Variants in FGD6 observed in about 807,000 individuals in gnomAD.
The protein encoded by FGD6 is FYVE, RhoGEF and PH domain-containing protein 6.
Under a neutral mutation model 149.4 loss-of-function variants are expected in FGD6, and 90 were observed. The ratio of observed to expected loss-of-function variants is 0.60; its 90% CI spans 0.51 to 0.72. The LOEUF is 0.72. Among genes scored for constraint, FGD6 ranks in the 30% least tolerant of loss-of-function variants. The pLI is 0.00. For synonymous variants in FGD6, 527 were observed against 584.0 expected (o/e 0.90, Z 1.41); for missense variants, 1,437 against 1,684.8 (o/e 0.85, Z 2.57).
intron 14 of FGD6, among the ~76,000 whole-genome samples, chr12:95,096,281 A>G (rs913864988): frequency 6.6e-6 from 1 of 152,186 alleles, no homozygotes; most frequent in Admixed American, 6.5e-5. Flanking sequence ...CAGATCAAGA[A>G]TAGAAACCAC....
intron 1 of FGD6, among the ~76,000 whole-genome samples, chr12:95,215,453 A>G (rs1471232494): frequency 1.3e-5 from 2 of 152,230 alleles, no homozygotes; most frequent in African/African-American, 2.4e-5. Context: ...ATGTATACAT[A>G]TAAGAATGGG....
rs35478339 is a variant in FGD6, at chr12:95,210,668, G to A, written c.616C>T (p.Pro206Ser). ...GAATTACAGCCACCATTCATTTCTG[G>A]GCTGTCTGTGGGCCTGTGCTTCTGT... ...SAQKHRPTDS[P>S]EMNGGCNSNG... The change falls in exon 2 of 21, where the codon CCA becomes TCA. Residue 206 changes from proline (P) to serine (S), a missense_variant. Pro to Ser is a moderately conservative substitution (Grantham distance 74). Transcript: ENST00000343958. The A allele has an allele frequency of 8.3e-4, 1,341 of 1,613,970 alleles. 1 individual carries two copies. The highest frequency in any genetic ancestry group is 1.1e-3 in the Non-Finnish European group (1,296 of 1,180,028).
Position 95,210,669 on chromosome 12 carries a change from G to A in FGD6, c.615C>T (p.Ser205=), listed in dbSNP as rs2056721432. ...AATTACAGCCACCATTCATTTCTGG[G>A]CTGTCTGTGGGCCTGTGCTTCTGTG... ...ISAQKHRPTD[S]PEMNGGCNSN... The change falls in exon 2 of 21, where the codon AGC becomes AGT. Residue 205 remains serine, a synonymous_variant. Coordinates refer to ENST00000343958, the MANE Select transcript of FGD6 (RefSeq NM_018351.4). 1.9e-6 allele frequency: 3 copies of A among 1,614,138 alleles called. No individual in the cohort carries two copies. Among genetic ancestry groups the A allele is most frequent in the Non-Finnish European group, 2.5e-6 (3 of 1,180,026 alleles).
At chr12:95,167,341 T>C (rs916013444) in intron 3 of FGD6, among the ~76,000 whole-genome samples, 1 of 152,160 alleles carries the variant, frequency 6.6e-6, no homozygotes, top group Non-Finnish European at 1.5e-5. Flanking sequence ...TGCACCATTT[T>C]AGATCCTATA....
chr12:95,116,714 T>A, intron 8 of FGD6: 1 of 404,210 alleles, frequency 2.5e-6, no homozygotes, highest in South Asian at 1.8e-5. Flanking sequence ...TAAAAATATC[T>A]TTATGGTCTA....
At chr12:95,167,936 T>C (rs1880870243) in intron 3 of FGD6, among the ~76,000 whole-genome samples, 1 of 152,156 alleles carries the variant, frequency 6.6e-6, no homozygotes, top group Non-Finnish European at 1.5e-5. Context: ...GAGTTAGTTT[T>C]TGTGTATGTT....
At chr12:95,216,011 G>C in intron 1 of FGD6, among the ~76,000 whole-genome samples, 1 of 152,154 alleles carries the variant, frequency 6.6e-6, no homozygotes, top group East Asian at 1.9e-4. Context: ...CCTCCCTTTG[G>C]CAAAGAAAAG....
chr12:95,163,761 T>G (rs1419240446), intron 3 of FGD6, among the ~76,000 whole-genome samples: 1 of 152,194 alleles, frequency 6.6e-6, no homozygotes, highest in Non-Finnish European at 1.5e-5. Flanking sequence ...AGTCTATATA[T>G]TCCATTGTCC....
At position 95,172,669 on chromosome 12, in the gene FGD6, G is replaced by A. The variant is rs557263516; in HGVS notation, c.2517C>T (p.Asn839=). 1.7e-5 allele frequency: 27 copies of A among 1,612,982 alleles called. No homozygotes were observed. The East Asian group carries it at 5.4e-4, about 32-fold the overall frequency. ...AGCTGACATCATCTTCATCAGAACTGTTGATGATTTCCTCCTCATCAGAGG... is the reference window on the plus strand; with the variant it reads ...AGCTGACATCATCTTCATCAGAACTATTGATGATTTCCTCCTCATCAGAGG... ...DLPSDEEEII[N]SSDEDDVSSE... Residue 839 remains asparagine, a synonymous_variant, in exon 3 of 21, where the codon AAC becomes AAT. Coordinates refer to ENST00000343958, the MANE Select transcript of FGD6 (RefSeq NM_018351.4).
intron 20 of FGD6, among the ~76,000 whole-genome samples, chr12:95,084,100 T>G (rs1877782071): frequency 6.6e-6 from 1 of 152,254 alleles, no homozygotes; most frequent in Non-Finnish European, 1.5e-5. Flanking sequence ...AAACTCCTGC[T>G]GTTCCATGGC....
intron 2 of FGD6, among the ~76,000 whole-genome samples, chr12:95,179,072 A>G (rs938233763): frequency 6.6e-6 from 1 of 152,204 alleles, no homozygotes; most frequent in Admixed American, 6.5e-5. Context: ...CCAGGCTTCA[A>G]ATGATGGATA....
At chr12:95,208,423 G>A (rs1334888524) in intron 2 of FGD6, among the ~76,000 whole-genome samples, 1 of 152,132 alleles carries the variant, frequency 6.6e-6, no homozygotes, top group Non-Finnish European at 1.5e-5. Context: ...GGTTCCACCT[G>A]ATAAGCGCAC....
At chr12:95,190,294 C>G (rs947733753) in intron 2 of FGD6, among the ~76,000 whole-genome samples, 2 of 152,122 alleles carry the variant, frequency 1.3e-5, no homozygotes, top group Non-Finnish European at 2.9e-5. Context: ...TTCAGCCTCC[C>G]GAGTAGCTGA....
At chr12:95,135,392 T>C (rs1879638122) in intron 7 of FGD6, among the ~76,000 whole-genome samples, 1 of 152,206 alleles carries the variant, frequency 6.6e-6, no homozygotes, top group Admixed American at 6.5e-5. Context: ...AAAAGTCTTT[T>C]GCAGATGAAT....
chr12:95,180,445 G>A (rs532666305), intron 2 of FGD6, among the ~76,000 whole-genome samples: 1 of 149,212 alleles, frequency 6.7e-6, no homozygotes, highest in African/African-American at 2.5e-5. Flanking sequence ...CCAGGTTAGA[G>A]TGCAGTGGTG....
intron 3 of FGD6, among the ~76,000 whole-genome samples, chr12:95,158,751 G>A (rs761398906): frequency 1.3e-5 from 2 of 152,076 alleles, no homozygotes; most frequent in African/African-American, 2.4e-5. Flanking sequence ...GCTTGGCATG[G>A]TGGTTCATGT....
chr12:95,156,280 G>A (rs7310835), intron 3 of FGD6, among the ~76,000 whole-genome samples: 103,206 of 151,912 alleles, frequency 0.68, 35,761 homozygotes, highest in Middle Eastern at 0.8. Flanking sequence ...GAGAAATATC[G>A]CTGAATTCTT....
At chr12:95,141,612 C>T in intron 5 of FGD6, 73 bp from the exon 6 acceptor site, 1 of 1,524,276 alleles carries the variant, frequency 6.6e-7, no homozygotes. Context: ...CCTCAGTCCC[C>T]CTCCTCCCTA....
intron 5 of FGD6, among the ~76,000 whole-genome samples, chr12:95,147,403 C>A (rs1880048740): frequency 6.6e-6 from 1 of 152,234 alleles, no homozygotes; most frequent in African/African-American, 2.4e-5. Context: ...TGAAAGCAAT[C>A]TTTTATGTCT....
Sources: allele counts gnomAD v4.1 joint callset (sites outside exome capture counted in the v4.1 genomes callset), GRCh38; gene constraint gnomAD v4.1.1; transcripts MANE v1.5; gene names NCBI Gene and HGNC (gene_info 2026-07-23, HGNC 2026-07-21).